The following CEPT1 variants were observed in gnomAD, a reference collection of about 807,000 sequenced individuals.
The protein encoded by CEPT1 is choline/ethanolamine phosphotransferase 1.
Under a neutral mutation model 42.6 loss-of-function variants are expected in CEPT1, and 7 were observed. The observed-to-expected ratio is 0.16, with a 90% CI of 0.09 to 0.31. CEPT1 has a LOEUF of 0.31. Among genes scored for constraint, CEPT1 ranks in the 10% least tolerant of loss-of-function variants. The pLI, the probability that CEPT1 is intolerant of heterozygous loss-of-function variation, is 1.00. For synonymous variants in CEPT1, 171 were observed against 171.9 expected, an observed-to-expected ratio of 0.99 and a Z score of 0.04; for missense variants, 306 against 502.1, an observed-to-expected ratio of 0.61 and a Z score of 3.73.
chr1:111,163,326 A>G (rs771534903), intron 4 of CEPT1, among the ~76,000 whole-genome samples: 34 of 152,316 alleles, frequency 2.2e-4, no homozygotes, highest in Non-Finnish European at 3.7e-4. Flanking sequence ...AGCAGGCTAT[A>G]ATGTTCATAG....
Position 111,184,268 on chromosome 1 carries a change from C to T in CEPT1, c.1209C>T (p.Val403=). The change falls in exon 9 of 9, where the codon GTC becomes GTT. Residue 403 remains valine, a synonymous_variant. Transcript: ENST00000357172. ...TTGCGTCTCACCTGCACATACATGTCTTCAGAATCAAGGTCTCTACAGCTC... is the reference window on the plus strand; with the variant it reads ...TTGCGTCTCACCTGCACATACATGTTTTCAGAATCAAGGTCTCTACAGCTC... ...NQIASHLHIH[V]FRIKVSTAHS... 6.2e-7 allele frequency: 1 copy of T among 1,612,948 alleles called. No individual in the cohort carries two copies. Among genetic ancestry groups the T allele is most frequent in the South Asian group, 1.1e-5 (1 of 91,040 alleles).
At chr1:111,180,482 G>A (rs1375615887) in intron 5 of CEPT1, 3 of 152,226 alleles carry the variant, frequency 2.0e-5, no homozygotes, top group East Asian at 3.8e-4. Flanking sequence ...TTTGAACTTA[G>A]ACTGTAGAGG....
chr1:111,169,100 A>G (rs1400072697), intron 4 of CEPT1, among the ~76,000 whole-genome samples: 1 of 152,230 alleles, frequency 6.6e-6, no homozygotes, highest in Admixed American at 6.5e-5. Context: ...TGACAAGGAA[A>G]AAAGTCTGTA....
chr1:111,158,878 A>T (rs1419298886), intron 2 of CEPT1, among the ~76,000 whole-genome samples: 1 of 146,972 alleles, frequency 6.8e-6, no homozygotes, highest in African/African-American at 2.5e-5. Flanking sequence ...CTCTAAAAGC[A>T]GGAAATTTAA....
intron 5 of CEPT1, among the ~76,000 whole-genome samples, chr1:111,175,508 G>A (rs1320574800): frequency 6.6e-6 from 1 of 152,120 alleles, no homozygotes; most frequent in African/African-American, 2.4e-5. Context: ...CTGAGGTAGG[G>A]AGTAAAATAT....
chr1:111,167,915 T>G, intron 4 of CEPT1: 1 of 522,220 alleles, frequency 1.9e-6, no homozygotes, highest in South Asian at 8.6e-5. Context: ...TTAATTGAGA[T>G]AGAGTCTCAT....
intron 2 of CEPT1, among the ~76,000 whole-genome samples, chr1:111,151,785 C>T (rs1655291572): frequency 6.6e-6 from 1 of 152,204 alleles, no homozygotes; most frequent in Non-Finnish European, 1.5e-5. Context: ...TGCACATTTT[C>T]CCCCACAAAG....
chr1:111,148,068 A>T lies in CEPT1; in HGVS notation c.339+15A>T, dbSNP rs1255471086. 1.9e-6 allele frequency: 3 copies of T among 1,589,602 alleles called. No individual in the cohort carries two copies. The highest frequency in any genetic ancestry group is 4.5e-5 in the East Asian group (2 of 44,684). ...CTACAGAGCAGGTAAGAGTTTCTTAACAGATCTCAACATTTGCTATATACC... is the reference window on the plus strand; with the variant it reads ...CTACAGAGCAGGTAAGAGTTTCTTATCAGATCTCAACATTTGCTATATACC... On this transcript the variant is annotated intron_variant, in intron 2 of 8. Transcript: ENST00000357172.
intron 4 of CEPT1, chr1:111,167,914 A>ATTTTTT (rs1656216781): frequency 1.9e-6 from 1 of 518,274 alleles, no homozygotes. Flanking sequence ...TTTAATTGAG[A>ATTTTTT]TAGAGTCTCA....
chr1:111,183,736 T>G (rs1050021424), intron 8 of CEPT1, 149 bp downstream of exon 8: 2 of 846,214 alleles, frequency 2.4e-6, no homozygotes, highest in African/African-American at 3.4e-5. Context: ...TGTGTGAGAG[T>G]TCTATGGCTT....
chr1:111,151,684 C>A lies in CEPT1; in HGVS notation c.339+3631C>A, dbSNP rs1017553680. Among the ~76,000 whole-genome samples, 6 of 152,268 alleles carry A rather than the reference C, an allele frequency of 3.9e-5. No individual in the cohort carries two copies. In the South Asian group the frequency reaches 1.2e-3, roughly 32 times the overall value. Reference sequence around the variant, plus strand: ...GTCCTTAGAGACAATAGATGACAAACGTTTCCCTTTCAGATCTTAGTTAAT... The same window carrying A: ...GTCCTTAGAGACAATAGATGACAAAAGTTTCCCTTTCAGATCTTAGTTAAT... On this transcript the variant is annotated intron_variant, in intron 2 of 8. Transcript: ENST00000357172.
At chr1:111,141,059 C>T (rs958857199) in intron 1 of CEPT1, among the ~76,000 whole-genome samples, 6 of 152,112 alleles carry the variant, frequency 3.9e-5, no homozygotes, top group Admixed American at 6.5e-5. Context: ...TATAATTTTG[C>T]TTGAAGTCTT....
chr1:111,183,184 T>A (rs574007011), intron 7 of CEPT1, among the ~76,000 whole-genome samples: 1 of 152,318 alleles, frequency 6.6e-6, no homozygotes, highest in African/African-American at 2.4e-5. Context: ...TTTTATCCAC[T>A]GTTTAATTTG....
chr1:111,183,597 G>A lies in CEPT1; in HGVS notation c.1131+10G>A. ...ACTTTGGATTGCCCTGGTAAGTATT[G>A]TACTAAGTCTTATTTCATGGTTTGA... On this transcript the variant is annotated intron_variant, in intron 8 of 8. Coordinates refer to ENST00000357172, the MANE Select transcript of CEPT1 (RefSeq NM_006090.5). 1 of 1,605,976 alleles carries A rather than the reference G, an allele frequency of 6.2e-7. No homozygotes were observed. Among genetic ancestry groups the A allele is most frequent in the Non-Finnish European group, 8.5e-7 (1 of 1,173,744 alleles).
chr1:111,145,371 G>C (rs568188543), intron 1 of CEPT1, among the ~76,000 whole-genome samples: 1 of 152,304 alleles, frequency 6.6e-6, no homozygotes, highest in East Asian at 1.9e-4. Flanking sequence ...AGTCTCTTGA[G>C]ATTTTTGAAA....
At chr1:111,156,326 A>G (rs1195516658) in intron 2 of CEPT1, among the ~76,000 whole-genome samples, 1 of 152,214 alleles carries the variant, frequency 6.6e-6, no homozygotes. Context: ...AGCCTCACAC[A>G]TGGTTTGTCC....
chr1:111,184,448 C>T lies in CEPT1; in HGVS notation c.*138C>T. Reference sequence around the variant, plus strand: ...AACTTTTATTCTTTATTATTGGTAACACGCCCTAACTATCCTGTGTGAGAA... The same window carrying T: ...AACTTTTATTCTTTATTATTGGTAATACGCCCTAACTATCCTGTGTGAGAA... On this transcript the variant is annotated 3_prime_UTR_variant, in exon 9 of 9. Coordinates refer to ENST00000357172, the MANE Select transcript of CEPT1 (RefSeq NM_006090.5). The T allele has an allele frequency of 3.3e-6, 2 of 600,012 alleles. No homozygotes were observed. Among genetic ancestry groups the T allele is most frequent in the Non-Finnish European group, 5.4e-6 (2 of 371,760 alleles). 37.2% of individuals were successfully genotyped at this position (600,012 alleles called of 1,614,324 possible).
intron 3 of CEPT1, chr1:111,159,996 G>A (rs1655785569): frequency 6.6e-6 from 1 of 152,398 alleles, no homozygotes; most frequent in African/African-American, 2.4e-5. Flanking sequence ...CTGGAAATTT[G>A]CTAAGAGAGT....
At chr1:111,180,640 A>G (rs796760492) in intron 5 of CEPT1, 22 of 152,340 alleles carry the variant, frequency 1.4e-4, no homozygotes, top group African/African-American at 5.1e-4. Context: ...AAACTTGAAC[A>G]TTTGATTTCA....
Sources: allele counts gnomAD v4.1 joint callset (sites outside exome capture counted in the v4.1 genomes callset), GRCh38; gene constraint gnomAD v4.1.1; transcripts MANE v1.5; gene names NCBI Gene and HGNC (gene_info 2026-07-23, HGNC 2026-07-21).